The following PICALM variants were observed in gnomAD, a reference collection of about 807,000 sequenced individuals.
The protein encoded by PICALM is phosphatidylinositol-binding clathrin assembly protein.
PICALM carries 40 observed loss-of-function variants against 80.5 expected under a neutral mutation model. The ratio of observed to expected loss-of-function variants is 0.50; its 90% CI spans 0.39 to 0.65. The LOEUF (loss-of-function observed/expected upper bound fraction) is 0.65, where lower values mean the gene tolerates loss of function less well. Among genes scored for constraint, PICALM ranks in the 30% least tolerant of loss-of-function variants. PICALM has a pLI of 0.00. For missense variants in PICALM, 676 were observed against 778.9 expected, an observed-to-expected ratio of 0.87 and a Z score of 1.57; for synonymous variants, 288 against 260.3, an observed-to-expected ratio of 1.11 and a Z score of -1.02.
Position 85,957,894 on chromosome 11 carries a change from G to A in PICALM, c.*1152C>T. Reference sequence around the variant, plus strand: ...TTTACACAAAGCACCGATCAACAGTGCAGTTTAATTCTTCGTTTACTAAAC... The same window carrying A: ...TTTACACAAAGCACCGATCAACAGTACAGTTTAATTCTTCGTTTACTAAAC... On this transcript the variant is annotated 3_prime_UTR_variant, in exon 20 of 20. Transcript: ENST00000393346. 4.5e-6 allele frequency: 1 copy of A among 224,248 alleles called. No homozygotes were observed. Among genetic ancestry groups the A allele is most frequent in the Non-Finnish European group, 8.9e-6 (1 of 112,156 alleles). The allele number at this position is 224,248 out of a possible 1,614,324, so 13.9% of individuals were successfully genotyped here.
intron 1 of PICALM, among the ~76,000 whole-genome samples, chr11:86,056,976 T>A (rs895572185): frequency 6.6e-6 from 1 of 152,106 alleles, no homozygotes. Context: ...AATTCATAGA[T>A]AGAAAGTGGA....
At chr11:86,059,186 A>G (rs906457172) in intron 1 of PICALM, among the ~76,000 whole-genome samples, 1 of 152,314 alleles carries the variant, frequency 6.6e-6, no homozygotes. Context: ...ATGTCCATAA[A>G]TTGTTCATGG....
intron 1 of PICALM, among the ~76,000 whole-genome samples, chr11:86,039,683 A>G (rs1261113192): frequency 6.6e-6 from 1 of 152,206 alleles, no homozygotes; most frequent in Non-Finnish European, 1.5e-5. Flanking sequence ...AGAGGTAAGT[A>G]TTCCTGGGAA....
intron 1 of PICALM, among the ~76,000 whole-genome samples, chr11:86,055,195 T>C (rs1321527622): frequency 6.6e-6 from 1 of 151,794 alleles, no homozygotes; most frequent in Non-Finnish European, 1.5e-5. Flanking sequence ...CCAGGCGTGG[T>C]GGCACACGTC....
At chr11:86,058,277 C>T (rs1417915011) in intron 1 of PICALM, among the ~76,000 whole-genome samples, 1 of 152,174 alleles carries the variant, frequency 6.6e-6, no homozygotes, top group Non-Finnish European at 1.5e-5. Context: ...GATCTCAGAA[C>T]TTATAATCAC....
At chr11:86,014,765 T>A in intron 5 of PICALM, 105 bp downstream of exon 5, 1 of 596,012 alleles carries the variant, frequency 1.7e-6, no homozygotes, top group Non-Finnish European at 2.9e-6. Context: ...ATATAGGATA[T>A]CAGGATGTGA....
Position 85,981,959 on chromosome 11 carries a change from G to C in PICALM, c.1561C>G (p.Gln521Glu), listed in dbSNP as rs772866359. The stretch of plus-strand genomic sequence containing the variant: ...TTGGCAACAGGAAGGTTCTGGTTCT[G>C]AGAGGCCACTGTTGGTTTGAGAAGT... The part of the protein sequence containing the change: ...GGLLKPTVAS[Q>E]NQNLPVAKLP... Residue 521 changes from glutamine to glutamate, a missense_variant, in exon 15 of 20, where the codon CAG (glutamine) becomes GAG (glutamate). By Grantham distance (29) the Gln-to-Glu change is conservative. Around this residue, in one of 2 missense-constraint regions of PICALM, gnomAD observed 391 missense variants for 383.6 expected, o/e 1.02. Coordinates refer to ENST00000393346, the MANE Select transcript of PICALM (RefSeq NM_007166.4). The C allele has an allele frequency of 2.8e-5, 45 of 1,612,450 alleles. No individual in the cohort carries two copies. Among genetic ancestry groups the C allele is most frequent in the Admixed American group, 1.2e-4 (7 of 60,002 alleles).
intron 1 of PICALM, among the ~76,000 whole-genome samples, chr11:86,061,036 A>T (rs2096353384): frequency 6.6e-6 from 1 of 152,188 alleles, no homozygotes; most frequent in South Asian, 2.1e-4. Context: ...TTTGCAAAAG[A>T]TACATTTGAT....
chr11:86,010,146 TAAG>T (rs890758181), intron 7 of PICALM, among the ~76,000 whole-genome samples: 37 of 152,184 alleles, frequency 2.4e-4, no homozygotes, highest in African/African-American at 8.9e-4. Flanking sequence ...AAAAACCCCT[TAAG>T]AACGCCTCTG....
At chr11:86,013,493 AC>A (rs1177837809) in intron 5 of PICALM, among the ~76,000 whole-genome samples, 1 of 152,176 alleles carries the variant, frequency 6.6e-6, no homozygotes, top group Non-Finnish European at 1.5e-5. Context: ...AGAAACACAC[AC>A]ACACACAGAG....
At chr11:86,026,891 T>A (rs2095656935) in intron 2 of PICALM, among the ~76,000 whole-genome samples, 1 of 152,214 alleles carries the variant, frequency 6.6e-6, no homozygotes, top group Non-Finnish European at 1.5e-5. Flanking sequence ...CCCTCCCTCT[T>A]CAGAGGTGAG....
At chr11:86,051,612 C>T (rs2096188959) in intron 1 of PICALM, among the ~76,000 whole-genome samples, 1 of 152,110 alleles carries the variant, frequency 6.6e-6, no homozygotes, top group Non-Finnish European at 1.5e-5. Context: ...AGTGAGCTGA[C>T]ATCGCGACAC....
rs557267908 is a variant in PICALM, at chr11:85,964,009, C to T, written c.1945-4949G>A. 1.1e-4 allele frequency among the ~76,000 whole-genome samples: 16 copies of T among 141,094 alleles called. No individual in the cohort carries two copies. The East Asian group carries it at 2.6e-3, about 23-fold the overall frequency. 92.6% of individuals were successfully genotyped at this position (141,094 alleles called of 152,430 possible). Reference sequence around the variant, plus strand: ...AACTGACTTTAATAAAGGACAAACACACCTAGCTTAAAGAAGGTTAAAAAA... The same window carrying T: ...AACTGACTTTAATAAAGGACAAACATACCTAGCTTAAAGAAGGTTAAAAAA... On this transcript the variant is annotated intron_variant, in intron 19 of 19. Transcript: ENST00000393346.
chr11:86,046,928 G>A (rs1341211120), intron 1 of PICALM, among the ~76,000 whole-genome samples: 3 of 152,170 alleles, frequency 2.0e-5, no homozygotes, highest in South Asian at 2.1e-4. Context: ...ATGAGCCACC[G>A]TGCTTGGCCA....
At chr11:86,018,764 C>T (rs1437151025) in intron 4 of PICALM, among the ~76,000 whole-genome samples, 1 of 152,084 alleles carries the variant, frequency 6.6e-6, no homozygotes, top group East Asian at 1.9e-4. Context: ...TGGCGGGCAC[C>T]TGTAGTCCCA....
intron 5 of PICALM, among the ~76,000 whole-genome samples, chr11:86,013,651 A>T (rs893899047): frequency 2.0e-5 from 3 of 152,236 alleles, no homozygotes; most frequent in Admixed American, 6.5e-5. Flanking sequence ...GAAAAGAATA[A>T]GAAATTTTAA....
intron 4 of PICALM, among the ~76,000 whole-genome samples, chr11:86,020,097 C>A (rs946410748): frequency 6.6e-6 from 1 of 152,116 alleles, no homozygotes; most frequent in Non-Finnish European, 1.5e-5. Context: ...CTGACTATAT[C>A]ATTCATGTGA....
intron 12 of PICALM, among the ~76,000 whole-genome samples, chr11:85,992,025 T>G (rs958442176): frequency 2.6e-5 from 4 of 152,050 alleles, no homozygotes; most frequent in Non-Finnish European, 5.9e-5. Flanking sequence ...CTGGCTAATT[T>G]AATTTTTGTA....
intron 12 of PICALM, 25 bp from the exon 13 acceptor site, chr11:85,990,424 C>G: frequency 1.4e-6 from 2 of 1,460,436 alleles, no homozygotes; most frequent in African/African-American, 1.4e-5. Context: ...TGTATTATAG[C>G]AAAATGAAGA....
Sources: allele counts gnomAD v4.1 joint callset (sites outside exome capture counted in the v4.1 genomes callset), GRCh38; gene constraint gnomAD v4.1.1; regional missense constraint gnomAD v4.1.1; transcripts MANE v1.5; gene names NCBI Gene and HGNC (gene_info 2026-07-23, HGNC 2026-07-21).